The following ARFGEF3 variants were observed in gnomAD, a reference collection of about 807,000 sequenced individuals.
ARFGEF3 encodes brefeldin A-inhibited guanine nucleotide-exchange protein 3.
Under a neutral mutation model 221.7 loss-of-function variants are expected in ARFGEF3, and 96 were observed. That is an observed-to-expected ratio of 0.43 (90% confidence interval 0.37 to 0.51). ARFGEF3 has a LOEUF of 0.51. Among genes scored for constraint, ARFGEF3 ranks in the 20% least tolerant of loss-of-function variants. The probability of loss-of-function intolerance (pLI) is 0.00; values close to 1 mark genes in which losing one functional copy is unlikely to be tolerated. For missense variants in ARFGEF3, 2,410 were observed against 2,789.9 expected (o/e 0.86, Z 3.07); for synonymous variants, 1,145 against 1,126.8 (o/e 1.02, Z -0.32).
At chr6:138,265,111 G>C (rs1283910897) in intron 12 of ARFGEF3, among the ~76,000 whole-genome samples, 2 of 152,048 alleles carry the variant, frequency 1.3e-5, no homozygotes, top group Non-Finnish European at 2.9e-5. Flanking sequence ...CGCTGTGTTA[G>C]CCAGGATGGT....
At chr6:138,180,825 C>G (rs979138314) in intron 2 of ARFGEF3, among the ~76,000 whole-genome samples, 3 of 152,130 alleles carry the variant, frequency 2.0e-5, no homozygotes, top group African/African-American at 7.2e-5. Flanking sequence ...AAACAGGTGA[C>G]CAGAAAAATC....
At chr6:138,298,921 T>A (rs1488609705) in intron 22 of ARFGEF3, 136 bp downstream of exon 22, 1 of 706,130 alleles carries the variant, frequency 1.4e-6, no homozygotes, top group Non-Finnish European at 2.2e-6. Flanking sequence ...TAAGCAGGGC[T>A]GGGCGTGGTG....
chr6:138,331,994 A>C (rs2114695847), intron 32 of ARFGEF3, among the ~76,000 whole-genome samples: 1 of 151,914 alleles, frequency 6.6e-6, no homozygotes, highest in East Asian at 1.9e-4. Flanking sequence ...TATCTCTCAA[A>C]GCATCCAAAA....
intron 14 of ARFGEF3, among the ~76,000 whole-genome samples, chr6:138,282,924 A>G (rs1779223539): frequency 2.0e-5 from 3 of 152,126 alleles, no homozygotes; most frequent in Non-Finnish European, 4.4e-5. Flanking sequence ...GTTGACCAGC[A>G]CTTGTAGTCC....
At position 138,209,838 on chromosome 6, in the gene ARFGEF3, A is replaced by G. The variant is rs1215686987; in HGVS notation, c.220-72A>G. On this transcript the variant is annotated intron_variant, in intron 3 of 33. Coordinates refer to ENST00000251691, the MANE Select transcript of ARFGEF3 (RefSeq NM_020340.5). ...CAGTAAGAAAACTGATCATCAATCCATAATAAGATACAACCAAATAAGGCA... is the reference window on the plus strand; with the variant it reads ...CAGTAAGAAAACTGATCATCAATCCGTAATAAGATACAACCAAATAAGGCA... 33 of 1,562,612 alleles carry G rather than the reference A, an allele frequency of 2.1e-5. No individual in the cohort carries two copies. The East Asian group carries it at 5.2e-4, about 25-fold the overall frequency.
chr6:138,321,982 A>G (rs976689156), intron 29 of ARFGEF3, among the ~76,000 whole-genome samples: 3 of 152,172 alleles, frequency 2.0e-5, no homozygotes, highest in African/African-American at 7.2e-5. Context: ...GTGGCAGGCA[A>G]AGAGAGAGCT....
chr6:138,245,340 A>G (rs1217124472), intron 7 of ARFGEF3, among the ~76,000 whole-genome samples, 173 bp from the exon 8 acceptor site: 3 of 152,138 alleles, frequency 2.0e-5, no homozygotes, highest in Non-Finnish European at 4.4e-5. Flanking sequence ...AATCACACTT[A>G]ATTCTTATCA....
At chr6:138,269,788 T>G (rs946623900) in intron 12 of ARFGEF3, among the ~76,000 whole-genome samples, 1 of 151,238 alleles carries the variant, frequency 6.6e-6, no homozygotes, top group African/African-American at 2.4e-5. Flanking sequence ...GCCCGGGCAA[T>G]AAGAGCCAAA....
intron 14 of ARFGEF3, among the ~76,000 whole-genome samples, chr6:138,282,256 C>T (rs757117773): frequency 4.6e-5 from 7 of 152,052 alleles, no homozygotes; most frequent in Non-Finnish European, 1.0e-4. Flanking sequence ...CACCCACCCT[C>T]CCCAGACTGG....
At chr6:138,252,067 A>G (rs1186418039) in intron 8 of ARFGEF3, among the ~76,000 whole-genome samples, 1 of 152,142 alleles carries the variant, frequency 6.6e-6, no homozygotes, top group Non-Finnish European at 1.5e-5. Context: ...CCTCTTGGCA[A>G]ATAGTAATAA....
At chr6:138,165,356 C>G (rs1301757512) in intron 1 of ARFGEF3, among the ~76,000 whole-genome samples, 1 of 150,532 alleles carries the variant, frequency 6.6e-6, no homozygotes, top group African/African-American at 2.5e-5. Flanking sequence ...GGGATCATCC[C>G]CCTCTGAGAC....
rs1477146541 is a variant in ARFGEF3, at chr6:138,334,951, GCACAAC to G, written c.6107_6112del (p.His2036_Asn2037del). On this transcript the variant is annotated inframe_deletion, in exon 33 of 34. Transcript: ENST00000251691. This position sits in a 1 kb window ranked among gnomAD's most constrained non-coding sequence, Gnocchi z 5.1. ...CCGAATACAAAAAGAGGAAACAGCA[GCACAAC>G]CTGTCCGCGTTCCCCAAAGAGGTCA... 1.3e-6 allele frequency: 2 copies of G among 1,588,084 alleles called. No homozygotes were observed. The highest frequency in any genetic ancestry group is 1.8e-5 in the Admixed American group (1 of 55,350).
Position 138,317,334 on chromosome 6 carries a change from C to T in ARFGEF3, c.4429C>T (p.Leu1477=), listed in dbSNP as rs1395006501. 2 of 1,614,012 alleles carry T rather than the reference C, an allele frequency of 1.2e-6. No individual in the cohort carries two copies. The change falls in exon 27 of 34, where the codon CTG becomes TTG. Residue 1477 remains leucine, a synonymous_variant. Coordinates refer to ENST00000251691, the MANE Select transcript of ARFGEF3 (RefSeq NM_020340.5). ...NCPRQHQPPT[L]DLLFELLRDV... is the part of the protein sequence containing the mutation. ...TCCACGGCAGCACCAACCACCAACT[C>T]TGGATTTACTCTTTGAGCTGTTGAG... is the stretch of plus-strand genomic sequence containing the variant.
rs144995312 is a variant in ARFGEF3, at chr6:138,253,951, T to C, written c.737T>C (p.Met246Thr). 5.3e-4 allele frequency: 847 copies of C among 1,597,224 alleles called. 1 individual carries two copies. Among genetic ancestry groups the C allele is most frequent in the Admixed American group, 1.7e-3 (97 of 57,716 alleles). ...LSVLSSSSSS[M>T]HLHRRFTDLI... is the part of the protein sequence containing the mutation. ...GTGCTCAGCAGCTCCTCCTCCTCCA[T>C]GCACCTGCACAGGCGCTTCACGGAC... Residue 246 changes from methionine to threonine, a missense_variant, in exon 9 of 34, where the codon ATG becomes ACG. By Grantham distance (81) the Met-to-Thr change is moderately conservative (BLOSUM62 -1). Coordinates refer to ENST00000251691, the MANE Select transcript of ARFGEF3 (RefSeq NM_020340.5).
At chr6:138,256,923 C>T (rs1778693852) in intron 10 of ARFGEF3, among the ~76,000 whole-genome samples, 2 of 151,848 alleles carry the variant, frequency 1.3e-5, no homozygotes, top group Non-Finnish European at 2.9e-5. Flanking sequence ...TAGCTGGGAC[C>T]ACAGCTGCAT....
intron 2 of ARFGEF3, among the ~76,000 whole-genome samples, chr6:138,180,582 G>T (rs190795156): frequency 1.3e-5 from 2 of 152,026 alleles, no homozygotes; most frequent in Non-Finnish European, 2.9e-5. Context: ...GAGTTTTGCT[G>T]GTTACCATAA....
At chr6:138,210,484 T>C (rs867896524) in intron 4 of ARFGEF3, among the ~76,000 whole-genome samples, 7 of 152,184 alleles carry the variant, frequency 4.6e-5, no homozygotes, top group Admixed American at 3.9e-4. Context: ...ACACATCTTT[T>C]TTTTTTTCTC....
intron 2 of ARFGEF3, among the ~76,000 whole-genome samples, chr6:138,187,144 A>G (rs913197611): frequency 6.6e-6 from 1 of 151,478 alleles, no homozygotes; most frequent in African/African-American, 2.4e-5. Context: ...CGAATTCCTG[A>G]CCTCAGGTGA....
At chr6:138,219,417 G>A (rs919882036) in intron 4 of ARFGEF3, among the ~76,000 whole-genome samples, 6 of 152,130 alleles carry the variant, frequency 3.9e-5, no homozygotes, top group African/African-American at 1.4e-4. Flanking sequence ...GTGAGGAGGG[G>A]GAGGATGGGT....
Sources: gnomAD v4.1 joint callset for allele counts (sites outside exome capture counted in the v4.1 genomes callset) on GRCh38, gnomAD v4.1.1 for gene constraint, Gnocchi (gnomAD v3.1) non-coding constraint, MANE v1.5 for transcripts, NCBI Gene and HGNC (gene_info 2026-07-23, HGNC 2026-07-21) for gene names.